Variants in MSS51 observed in about 807,000 individuals in gnomAD.
MSS51 encodes the protein MSS51 mitochondrial translational activator, also known as putative protein MSS51 homolog, mitochondrial.
MSS51 carries 32 observed loss-of-function variants against 40.2 expected under a neutral mutation model. The ratio of observed to expected loss-of-function variants is 0.80; its 90% confidence interval spans 0.60 to 1.07. MSS51 has a LOEUF of 1.07. Among genes scored for constraint, MSS51 ranks in the 50% least tolerant of loss-of-function variants. MSS51 has a pLI of 0.00. For missense variants in MSS51, 518 were observed against 568.9 expected, an observed-to-expected ratio of 0.91 and a Z score of 0.91; for synonymous variants, 178 against 214.2, an observed-to-expected ratio of 0.83 and a Z score of 1.48.
chr10:73,425,230 A>T (rs1345076661), intron 5 of MSS51, 39 bp from the exon 6 acceptor site: 2 of 1,354,558 alleles, frequency 1.5e-6, no homozygotes, highest in African/African-American at 1.5e-5. Flanking sequence ...GGGAAAGACT[A>T]AAGCAGACCC....
At chr10:73,425,506 C>G (rs11000653) in intron 5 of MSS51, among the ~76,000 whole-genome samples, 3 of 151,810 alleles carry the variant, frequency 2.0e-5, no homozygotes, top group Non-Finnish European at 4.4e-5. Flanking sequence ...AACCCCGCCT[C>G]TACTAAAAAT....
At chr10:73,425,534 C>T (rs1226188292) in intron 5 of MSS51, among the ~76,000 whole-genome samples, 1 of 151,678 alleles carries the variant, frequency 6.6e-6, no homozygotes. Context: ...ATTAGCCAGG[C>T]GCCTGTAGTC....
chr10:73,426,144 G>A lies in MSS51; in HGVS notation c.736C>T (p.Leu246=). The change falls in exon 5 of 7, where the codon CTA becomes TTA. Residue 246 remains leucine (L), a synonymous_variant. Coordinates refer to ENST00000299432, the MANE Select transcript of MSS51 (RefSeq NM_001024593.2). ...LTDVLSRPLT[L]GLGLRALGID... is the part of the protein sequence containing the mutation. ...CCCAAGGCCCTAAGTCCTAGGCCTA[G>A]AGTCAAGGGCCGTGACAGGACATCT... The A allele has an allele frequency of 1.1e-5, 18 of 1,614,210 alleles. No individual in the cohort carries two copies. Among genetic ancestry groups the A allele is most frequent in the Non-Finnish European group, 1.4e-5 (17 of 1,180,042 alleles).
At chr10:73,429,765 G>A in intron 1 of MSS51, 1 of 444,486 alleles carries the variant, frequency 2.2e-6, no homozygotes. Context: ...ATAAACAGAT[G>A]AAATCATTTG....
intron 1 of MSS51, chr10:73,429,760 C>T: frequency 2.2e-6 from 1 of 445,606 alleles, no homozygotes; most frequent in Non-Finnish European, 4.5e-6. Flanking sequence ...TACTGATAAA[C>T]AGATGAAATC....
chr10:73,430,201 A>C (rs1255289374), intron 1 of MSS51, among the ~76,000 whole-genome samples: 1 of 152,154 alleles, frequency 6.6e-6, no homozygotes, highest in African/African-American at 2.4e-5. Context: ...TTTGGCAATA[A>C]TTTCTAGGAT....
chr10:73,423,945 G>C lies in MSS51; in HGVS notation c.*608C>G, dbSNP rs1479443722. The stretch of plus-strand genomic sequence containing the variant: ...TCATTCTTTTTCTCAGTGCCATCTG[G>C]TTCCAGTCAAAAGGTAAACTTCTTT... On this transcript the variant is annotated 3_prime_UTR_variant, in exon 7 of 7. Transcript: ENST00000299432. 3 of 152,328 alleles carry C rather than the reference G, an allele frequency of 2.0e-5. No individual in the cohort carries two copies. The highest frequency in any genetic ancestry group is 6.5e-5 in the Admixed American group (1 of 15,284). 9.4% of individuals were successfully genotyped at this position (152,328 alleles called of 1,614,324 possible). A position where few individuals can be genotyped will look rare whatever the true frequency, so the allele number is the denominator to read the frequency against.
chr10:73,428,225 G>A lies in MSS51; in HGVS notation c.60C>T (p.Ile20=). The change falls in exon 2 of 7, where the codon ATC becomes ATT. Residue 20 remains isoleucine (I), a synonymous_variant. Transcript: ENST00000299432. Reference sequence around the variant, plus strand: ...TCACAATTGTGGTTGGGGCCATGATGATGGGAGCCACTGATGAGGGAGGTT... The same window carrying A: ...TCACAATTGTGGTTGGGGCCATGATAATGGGAGCCACTGATGAGGGAGGTT... ...HKKPPSSVAP[I]IMAPTTIVTP... The A allele has an allele frequency of 1.9e-6, 3 of 1,614,132 alleles. No homozygotes were observed. Among genetic ancestry groups the A allele is most frequent in the Non-Finnish European group, 2.5e-6 (3 of 1,180,014 alleles).
At chr10:73,427,831 GC>G (rs2056000906) in intron 2 of MSS51, 63 bp from the exon 3 acceptor site, 2 of 1,564,804 alleles carry the variant, frequency 1.3e-6, no homozygotes, top group Non-Finnish European at 8.7e-7. Flanking sequence ...AATCTCTCAT[GC>G]CCCCCATCTT....
In MSS51 at chr10:73,424,520, T is replaced by C. The variant is rs930415578; in HGVS notation, c.*33A>G. ...TTAGCAGGGTAATTTCATCACAAAC[T>C]CCCCGTTTTCCAGATGTCCAGTTAT... On this transcript the variant is annotated 3_prime_UTR_variant, in exon 7 of 7. Coordinates refer to ENST00000299432, the MANE Select transcript of MSS51 (RefSeq NM_001024593.2). 1 of 1,530,072 alleles carries C rather than the reference T, an allele frequency of 6.5e-7. No homozygotes were observed. Among genetic ancestry groups the C allele is most frequent in the Non-Finnish European group, 9.1e-7 (1 of 1,104,854 alleles). The allele number at this position is 1,530,072 out of a possible 1,614,324, so 94.8% of individuals were successfully genotyped here.
chr10:73,427,398 C>T (rs866224498), intron 3 of MSS51, among the ~76,000 whole-genome samples: 39 of 151,610 alleles, frequency 2.6e-4, no homozygotes, highest in African/African-American at 8.7e-4. Flanking sequence ...CCACCTCAGC[C>T]TCTCGAGTAG....
Position 73,428,194 on chromosome 10 carries a change from C to G in MSS51, c.91G>C (p.Val31Leu), listed in dbSNP as rs760473231. Residue 31 changes from valine (V) to leucine (L), a missense_variant, in exon 2 of 7, where the codon GTG (valine) becomes CTG (leucine). By Grantham distance (32) the Val-to-Leu change is conservative. Transcript: ENST00000299432. ...CCAGGTTTTGAGGGGGTCAGAGGCA[C>G]AGGGGTCACAATTGTGGTTGGGGCC... ...IMAPTTIVTPVPLTPSKPGPS... is the reference protein window; with the variant it reads ...IMAPTTIVTPLPLTPSKPGPS... 2 of 1,613,942 alleles carry G rather than the reference C, an allele frequency of 1.2e-6. No homozygotes were observed. The highest frequency in any genetic ancestry group is 2.2e-5 in the East Asian group (1 of 44,868).
Position 73,428,280 on chromosome 10 carries a change from G to A in MSS51, c.5C>T (p.Ala2Val). 1.9e-6 allele frequency: 3 copies of A among 1,610,076 alleles called. No homozygotes were observed. Among genetic ancestry groups the A allele is most frequent in the Non-Finnish European group, 2.5e-6 (3 of 1,177,684 alleles). M[A>V]PRSRRRRHKK... Reference sequence around the variant, plus strand: ...GTGCCTTCGTCGCCGGGACCGTGGAGCCATGGCCTGTCCAGTGATACCTGG... The same window carrying A: ...GTGCCTTCGTCGCCGGGACCGTGGAACCATGGCCTGTCCAGTGATACCTGG... Residue 2 changes from alanine to valine, a missense_variant, in exon 2 of 7, where the codon GCT becomes GTT. Ala to Val is a moderately conservative substitution (Grantham distance 64, BLOSUM62 0). Transcript: ENST00000299432.
rs74746910 is a variant in MSS51 at position 73,425,807 on chromosome 10, T to C, written c.1069+4A>G. 1 of 1,609,712 alleles carries C rather than the reference T, an allele frequency of 6.2e-7. No homozygotes were observed. Among genetic ancestry groups the C allele is most frequent in the Non-Finnish European group, 8.5e-7 (1 of 1,177,536 alleles). On this transcript the variant is annotated splice_donor_region_variant and intron_variant, in intron 5 of 6. Coordinates refer to ENST00000299432, the MANE Select transcript of MSS51 (RefSeq NM_001024593.2). Reference sequence around the variant, plus strand: ...CTCTATTCCCCTGAACCAATGACTCTTACCTGGATGGAATGCCGCCACCAA... The same window carrying C: ...CTCTATTCCCCTGAACCAATGACTCCTACCTGGATGGAATGCCGCCACCAA...
In MSS51 at chr10:73,426,249, C is replaced by G. The variant is rs932607822; in HGVS notation, c.631G>C (p.Val211Leu). ...TLDAVLVSHA[V>L]TTLWASVGRP... is the part of the protein sequence containing the mutation. ...CCTACACTGGCCCATAAGGTGGTCACAGCATGACTAACTAGCACAGCATCC... is the reference window on the plus strand; with the variant it reads ...CCTACACTGGCCCATAAGGTGGTCAGAGCATGACTAACTAGCACAGCATCC... The change falls in exon 5 of 7, where the codon GTG (valine) becomes CTG (leucine). Residue 211 changes from valine (V) to leucine (L), a missense_variant. By Grantham distance (32) the Val-to-Leu change is conservative. Coordinates refer to ENST00000299432, the MANE Select transcript of MSS51 (RefSeq NM_001024593.2). 1.9e-6 allele frequency: 3 copies of G among 1,613,394 alleles called. No individual in the cohort carries two copies. In the African/African-American group the frequency reaches 4.0e-5, roughly 22 times the overall value.
At chr10:73,431,886 C>T (rs1398430542) in intron 1 of MSS51, among the ~76,000 whole-genome samples, 1 of 151,356 alleles carries the variant, frequency 6.6e-6, no homozygotes, top group Non-Finnish European at 1.5e-5. Context: ...TGGAATTGCC[C>T]TTCACACTTT....
At position 73,427,682 on chromosome 10, in the gene MSS51, C is replaced by T. The variant is rs141360683; in HGVS notation, c.308G>A (p.Arg103Gln). The T allele has an allele frequency of 2.7e-5, 44 of 1,614,050 alleles. No homozygotes were observed. The highest frequency in any genetic ancestry group is 1.2e-4 in the South Asian group (11 of 91,088). ...EMFQRMEDTFRFCAHCRALPS... is the reference protein window; with the variant it reads ...EMFQRMEDTFQFCAHCRALPS... ...GAGTGCTCTACAGTGAGCACAGAATCGAAATGTGTCTTCCATCCTCTGGAA... is the reference window on the plus strand; with the variant it reads ...GAGTGCTCTACAGTGAGCACAGAATTGAAATGTGTCTTCCATCCTCTGGAA... The change falls in exon 3 of 7, where the codon CGA (arginine) becomes CAA (glutamine). Residue 103 changes from arginine (R) to glutamine (Q), a missense_variant. Arg to Gln is a conservative substitution (Grantham distance 43, BLOSUM62 1). Transcript: ENST00000299432.
Position 73,424,557 on chromosome 10 carries a change from A to C in MSS51, c.1379T>G (p.Ile460Ser). ...AGATGTCCAGTTATGATCTATTTAA[A>C]TCCCGCCGTCCACTTTCTCTTCTAA... Reference protein sequence around the residue: ...RQLEEKVDGGI With the variant: ...RQLEEKVDGGS Residue 460 changes from isoleucine to serine, a missense_variant, in exon 7 of 7, where the codon ATT becomes AGT. Coordinates refer to ENST00000299432, the MANE Select transcript of MSS51 (RefSeq NM_001024593.2). 1 of 1,612,504 alleles carries C rather than the reference A, an allele frequency of 6.2e-7. No individual in the cohort carries two copies. Among genetic ancestry groups the C allele is most frequent in the Non-Finnish European group, 8.5e-7 (1 of 1,178,600 alleles).
intron 5 of MSS51, among the ~76,000 whole-genome samples, chr10:73,425,578 C>T (rs1476388651): frequency 2.7e-5 from 4 of 149,490 alleles, no homozygotes; most frequent in African/African-American, 9.9e-5. Context: ...AGGAGAATGG[C>T]GTGAACCCGG....
Sources: allele counts gnomAD v4.1 joint callset (sites outside exome capture counted in the v4.1 genomes callset), GRCh38; gene constraint gnomAD v4.1.1; transcripts MANE v1.5; gene names NCBI Gene and HGNC (gene_info 2026-07-23, HGNC 2026-07-21).